RBM25: variants seen among roughly 807,000 people sequenced by gnomAD.
The protein encoded by RBM25 is RNA-binding protein 25.
Under a neutral mutation model 120.7 loss-of-function variants are expected in RBM25, and 19 were observed. The observed-to-expected ratio is 0.16, with a 90% CI of 0.11 to 0.23. RBM25 has a LOEUF of 0.23. RBM25 is among the 10% of genes least tolerant of loss of function. The pLI is 1.00. For missense variants in RBM25, 605 were observed against 1,041.5 expected, an observed-to-expected ratio of 0.58 and a Z score of 5.77; for synonymous variants, 390 against 326.7, an observed-to-expected ratio of 1.19 and a Z score of -2.09.
chr14:73,111,844 T>C, intron 16 of RBM25, 42 bp downstream of exon 16: 3 of 1,525,156 alleles, frequency 2.0e-6, no homozygotes, highest in Non-Finnish European at 2.6e-6. Flanking sequence ...TGGGAACAGT[T>C]GGAATATGCC....
Position 73,106,298 on chromosome 14 carries a change from G to A in RBM25, c.1467+13G>A. ...AAGAAGAGAAATGGTAAGATTCTAG[G>A]CTAAAATAAGTGATTTTTCAGGTAA... On this transcript the variant is annotated intron_variant, in intron 12 of 18. Coordinates refer to ENST00000261973, the MANE Select transcript of RBM25 (RefSeq NM_021239.3). 4 of 1,556,110 alleles carry A rather than the reference G, an allele frequency of 2.6e-6. No homozygotes were observed. Among genetic ancestry groups the A allele is most frequent in the Non-Finnish European group, 3.5e-6 (4 of 1,156,858 alleles).
At chr14:73,087,406 T>G (rs1895711818) in intron 5 of RBM25, among the ~76,000 whole-genome samples, 1 of 151,518 alleles carries the variant, frequency 6.6e-6, no homozygotes, top group Non-Finnish European at 1.5e-5. Flanking sequence ...CTTTTTTTTT[T>G]TTTTTTTGAG....
intron 1 of RBM25, chr14:73,065,181 G>T (rs1895099946): frequency 6.6e-6 from 1 of 151,864 alleles, no homozygotes; most frequent in African/African-American, 2.4e-5. Context: ...CCAGGCTAGA[G>T]TGCAGTGGCG....
At chr14:73,119,090 A>G (rs1896493239) in intron 18 of RBM25, among the ~76,000 whole-genome samples, 1 of 152,022 alleles carries the variant, frequency 6.6e-6, no homozygotes, top group South Asian at 2.1e-4. Context: ...TATTAATAAT[A>G]CATTTCTCAC....
rs371745954 is a variant in RBM25, at chr14:73,089,710, A to C, written c.543+1549A>C. Among the ~76,000 whole-genome samples, 14 of 149,374 alleles carry C rather than the reference A, an allele frequency of 9.4e-5. 1 individual carries two copies. The highest frequency in any genetic ancestry group is 6.7e-3 in the Middle Eastern group (2 of 300). Reference sequence around the variant, plus strand: ...GAAATGGAGTTTCCCTCTCTTGCCCAGGCTGGAGTGCAGTGGTGCGACCTT... The same window carrying C: ...GAAATGGAGTTTCCCTCTCTTGCCCCGGCTGGAGTGCAGTGGTGCGACCTT... On this transcript the variant is annotated intron_variant, in intron 6 of 18. Transcript: ENST00000261973.
At chr14:73,066,892 G>C (rs891583669) in intron 1 of RBM25, among the ~76,000 whole-genome samples, 2 of 152,052 alleles carry the variant, frequency 1.3e-5, no homozygotes, top group South Asian at 2.1e-4. Flanking sequence ...TGAGGGAAAT[G>C]TAAATTGAAA....
In RBM25 at chr14:73,122,457, G is replaced by A. The variant is rs1267579804; in HGVS notation, c.*2652G>A. 1.3e-5 allele frequency: 2 copies of A among 151,908 alleles called. No homozygotes were observed. The highest frequency in any genetic ancestry group is 1.9e-4 in the East Asian group (1 of 5,174). 9.4% of individuals were successfully genotyped at this position (151,908 alleles called of 1,614,324 possible). On this transcript the variant is annotated 3_prime_UTR_variant, in exon 19 of 19. Coordinates refer to ENST00000261973, the MANE Select transcript of RBM25 (RefSeq NM_021239.3). ...ACCTGGCTAATTTTTTGTATTTTTA[G>A]TAGAGACAGGATTTCACCTTGTTGG...
Position 73,109,332 on chromosome 14 carries a change from A to G in RBM25, c.1542-10A>G. The G allele has an allele frequency of 6.2e-7, 1 of 1,608,702 alleles. No individual in the cohort carries two copies. Among genetic ancestry groups the G allele is most frequent in the Non-Finnish European group, 8.5e-7 (1 of 1,177,834 alleles). On this transcript the variant is annotated splice_polypyrimidine_tract_variant and intron_variant, in intron 13 of 18. Transcript: ENST00000261973. ...TATTAAATGAAGCCTTTTATCATTC[A>G]CTTTTACAGAGGAAGTGCTCTTCAG...
intron 12 of RBM25, 51 bp downstream of exon 12, chr14:73,106,336 T>C: frequency 7.2e-7 from 1 of 1,386,194 alleles, no homozygotes; most frequent in Non-Finnish European, 9.9e-7. Flanking sequence ...AGTCAGATTG[T>C]ATCTTTACTG....
chr14:73,082,644 A>G (rs1277064448), intron 4 of RBM25, among the ~76,000 whole-genome samples: 4 of 152,134 alleles, frequency 2.6e-5, no homozygotes, highest in Non-Finnish European at 4.4e-5. Flanking sequence ...GCCCTCCTTC[A>G]CATTTTGGAA....
At position 73,122,817 on chromosome 14, in the gene RBM25, T is replaced by G. The variant is rs1896559587; in HGVS notation, c.*3012T>G. 6.6e-6 allele frequency: 1 copy of G among 152,184 alleles called. No individual in the cohort carries two copies. Among genetic ancestry groups the G allele is most frequent in the Non-Finnish European group, 1.5e-5 (1 of 68,042 alleles). 9.4% of individuals were successfully genotyped at this position (152,184 alleles called of 1,614,324 possible). ...CGCAGGCTTTGCATTTCTGGACAGC[T>G]CCCAGCTAATGTCATTGCCAACTGA... On this transcript the variant is annotated 3_prime_UTR_variant, in exon 19 of 19. Coordinates refer to ENST00000261973, the MANE Select transcript of RBM25 (RefSeq NM_021239.3).
chr14:73,112,297 A>G (rs1323096063), intron 17 of RBM25, 47 bp downstream of exon 17: 1 of 1,495,070 alleles, frequency 6.7e-7, no homozygotes, highest in South Asian at 1.4e-5. Flanking sequence ...TTATATATTA[A>G]AATATTAGAC....
chr14:73,084,932 A>G (rs1399684636), intron 5 of RBM25, among the ~76,000 whole-genome samples: 1 of 151,934 alleles, frequency 6.6e-6, no homozygotes, highest in African/African-American at 2.4e-5. Flanking sequence ...CAGGGAACAC[A>G]TGTGAGATTG....
chr14:73,105,269 C>T (rs1896160559), intron 10 of RBM25, among the ~76,000 whole-genome samples: 1 of 151,870 alleles, frequency 6.6e-6, no homozygotes. Flanking sequence ...CACCATGCCT[C>T]CTGGCCTCAA....
At chr14:73,068,918 T>C (rs1166989317) in intron 1 of RBM25, among the ~76,000 whole-genome samples, 1 of 152,092 alleles carries the variant, frequency 6.6e-6, no homozygotes, top group East Asian at 1.9e-4. Flanking sequence ...ATTTTTATTT[T>C]TTATTTTTTT....
At chr14:73,062,841 T>TG (rs1219324219) in intron 1 of RBM25, among the ~76,000 whole-genome samples, 1 of 151,188 alleles carries the variant, frequency 6.6e-6, no homozygotes, top group Non-Finnish European at 1.5e-5. Context: ...ATTTAATTTT[T>TG]GGGGGGCCTC....
At chr14:73,086,714 T>C (rs1168698814) in intron 5 of RBM25, among the ~76,000 whole-genome samples, 1 of 151,436 alleles carries the variant, frequency 6.6e-6, no homozygotes. Context: ...ATTACTTTTC[T>C]TTTTTTTTGA....
chr14:73,087,291 A>G (rs1895708676), intron 5 of RBM25, among the ~76,000 whole-genome samples: 1 of 152,266 alleles, frequency 6.6e-6, no homozygotes, highest in Non-Finnish European at 1.5e-5. Flanking sequence ...GTAATTTAAC[A>G]TCTCAGAATT....
chr14:73,097,494 C>T (rs1396711181), intron 7 of RBM25, among the ~76,000 whole-genome samples: 13 of 152,072 alleles, frequency 8.5e-5, no homozygotes, highest in Admixed American at 5.9e-4. Flanking sequence ...CCACCGTGCC[C>T]GGCCACATTT....
Sources: gnomAD v4.1 joint callset for allele counts (sites outside exome capture counted in the v4.1 genomes callset) on GRCh38, gnomAD v4.1.1 for gene constraint, MANE v1.5 for transcripts, NCBI Gene and HGNC (gene_info 2026-07-23, HGNC 2026-07-21) for gene names.